The following NTNG1 variants were observed in gnomAD, a reference collection of about 807,000 sequenced individuals.
NTNG1 encodes netrin-G1.
A neutral mutation model predicts 54.0 loss-of-function variants in NTNG1; 16 were observed. The ratio of observed to expected loss-of-function variants is 0.30; its 90% CI spans 0.20 to 0.45. The LOEUF is 0.45. NTNG1 is among the 20% of genes least tolerant of loss of function. The pLI is 1.00. For missense variants in NTNG1, 530 were observed against 678.7 expected, an observed-to-expected ratio of 0.78 and a Z score of 2.43; for synonymous variants, 255 against 263.1, an observed-to-expected ratio of 0.97 and a Z score of 0.30.
intron 4 of NTNG1, among the ~76,000 whole-genome samples, chr1:107,398,343 A>G (rs1282689525): frequency 2.0e-5 from 3 of 152,194 alleles, no homozygotes; most frequent in African/African-American, 7.2e-5. Flanking sequence ...TAACAGAACA[A>G]CTGGGAGGTC....
At position 107,190,442 on chromosome 1, in the gene NTNG1, T is replaced by C. The variant is rs527823620; in HGVS notation, c.246+41603T>C. On this transcript the variant is annotated intron_variant, in intron 2 of 7. Transcript: ENST00000370068. ...ATTTTTTTAAAAATTTTATTATTAT[T>C]ATACTTTAAGTTTTAGGGTACATGT... Among the ~76,000 whole-genome samples, 3 of 152,276 alleles carry C rather than the reference T, an allele frequency of 2.0e-5. No individual in the cohort carries two copies. In the South Asian group the frequency reaches 6.2e-4, roughly 32 times the overall value.
intron 2 of NTNG1, among the ~76,000 whole-genome samples, chr1:107,166,512 G>A (rs1297909476): frequency 6.6e-6 from 1 of 151,940 alleles, no homozygotes; most frequent in Non-Finnish European, 1.5e-5. Context: ...GGAGGAAAGT[G>A]GTATACAAAA....
At chr1:107,222,755 C>G (rs1660424135) in intron 2 of NTNG1, among the ~76,000 whole-genome samples, 1 of 144,314 alleles carries the variant, frequency 6.9e-6, no homozygotes. Flanking sequence ...AGTGGGCAGT[C>G]TTTAACTCAG....
chr1:107,168,962 A>G (rs184317401), intron 2 of NTNG1, among the ~76,000 whole-genome samples: 2 of 152,250 alleles, frequency 1.3e-5, no homozygotes, highest in East Asian at 3.9e-4. Flanking sequence ...TTTCTATTCA[A>G]TCTGTACCCA....
chr1:107,200,972 T>C (rs539094703), intron 2 of NTNG1, among the ~76,000 whole-genome samples: 96 of 152,022 alleles, frequency 6.3e-4, no homozygotes, highest in Non-Finnish European at 1.1e-3. Flanking sequence ...ACATTTACTG[T>C]GTTTGTTTCT....
intron 2 of NTNG1, among the ~76,000 whole-genome samples, chr1:107,312,718 G>T (rs1047546491): frequency 3.3e-5 from 5 of 152,082 alleles, no homozygotes; most frequent in Admixed American, 1.3e-4. Context: ...GGTGGGGACT[G>T]GACTTACCAG....
At chr1:107,280,380 G>T (rs1188835713) in intron 2 of NTNG1, among the ~76,000 whole-genome samples, 2 of 151,438 alleles carry the variant, frequency 1.3e-5, no homozygotes, top group Non-Finnish European at 1.5e-5. Context: ...GTGTGTATGT[G>T]TGTTTGCATG....
intron 2 of NTNG1, among the ~76,000 whole-genome samples, chr1:107,269,486 GTTGGCTATTA>G (rs1259750510): frequency 6.6e-6 from 1 of 152,118 alleles, no homozygotes; most frequent in Non-Finnish European, 1.5e-5. Flanking sequence ...TTGTTTGTTT[GTTGGCTATTA>G]TTATCCACAT....
intron 2 of NTNG1, among the ~76,000 whole-genome samples, chr1:107,261,708 T>C (rs1663348253): frequency 6.6e-6 from 1 of 152,060 alleles, no homozygotes; most frequent in South Asian, 2.1e-4. Flanking sequence ...CCGGGCGTGG[T>C]GGCGGGTGCC....
Position 107,148,439 on chromosome 1 carries a change from C to T in NTNG1, c.-155C>T, listed in dbSNP as rs1433433634. ...TCTTCATATTTGGTTTTGGGATCTG[C>T]TTTGAGGTCCCATCTTCATTTAAAA... On this transcript the variant is annotated 5_prime_UTR_variant, in exon 2 of 8. Transcript: ENST00000370068. The T allele has an allele frequency of 3.0e-6, 2 of 670,712 alleles. No homozygotes were observed. The highest frequency in any genetic ancestry group is 5.1e-6 in the Non-Finnish European group (2 of 392,734). The allele number at this position is 670,712 out of a possible 1,614,324, so 41.5% of individuals were successfully genotyped here. A position where few individuals can be genotyped will look rare whatever the true frequency, so the allele number is the denominator to read the frequency against.
intron 5 of NTNG1, among the ~76,000 whole-genome samples, chr1:107,417,539 C>G (rs6681700): frequency 0.44 from 66,259 of 151,838 alleles, 14,711 homozygotes; most frequent in Middle Eastern, 0.51. Context: ...AATCCAATTA[C>G]AGAGATGAGA....
chr1:107,307,070 G>C (rs536542007), intron 2 of NTNG1, among the ~76,000 whole-genome samples: 1 of 152,184 alleles, frequency 6.6e-6, no homozygotes, highest in Non-Finnish European at 1.5e-5. Flanking sequence ...TAATTTGTCC[G>C]TAGCTGCTAC....
chr1:107,289,346 T>G (rs1192276633), intron 2 of NTNG1, among the ~76,000 whole-genome samples: 5 of 152,140 alleles, frequency 3.3e-5, no homozygotes, highest in Non-Finnish European at 7.4e-5. Context: ...AGCTCAAATC[T>G]CAACCAAATA....
chr1:107,267,005 T>C (rs1284755968), intron 2 of NTNG1, among the ~76,000 whole-genome samples: 1 of 152,192 alleles, frequency 6.6e-6, no homozygotes, highest in African/African-American at 2.4e-5. Flanking sequence ...GATTGCATCT[T>C]GGAAACTACA....
At chr1:107,322,314 AC>A (rs1667705013) in intron 2 of NTNG1, among the ~76,000 whole-genome samples, 1 of 151,902 alleles carries the variant, frequency 6.6e-6, no homozygotes, top group Admixed American at 6.6e-5. Flanking sequence ...TTGTTTCCAT[AC>A]CCCTGACCTC....
At chr1:107,416,756 C>T (rs1674231427) in intron 5 of NTNG1, among the ~76,000 whole-genome samples, 3 of 151,966 alleles carry the variant, frequency 2.0e-5, no homozygotes, top group Non-Finnish European at 4.4e-5. Flanking sequence ...ATAAATCATA[C>T]CAGTACTTGC....
At chr1:107,418,933 G>A (rs1674396856) in intron 5 of NTNG1, among the ~76,000 whole-genome samples, 1 of 151,962 alleles carries the variant, frequency 6.6e-6, no homozygotes, top group South Asian at 2.1e-4. Flanking sequence ...CAGTGTGGAG[G>A]ACAAACAAGA....
At chr1:107,464,183 G>A (rs1265643666) in intron 7 of NTNG1, among the ~76,000 whole-genome samples, 3 of 151,980 alleles carry the variant, frequency 2.0e-5, no homozygotes, top group South Asian at 2.1e-4. Flanking sequence ...TTCTTTCTTC[G>A]CAATCTGTGA....
chr1:107,341,384 A>T (rs962836950), intron 3 of NTNG1, among the ~76,000 whole-genome samples: 1 of 152,008 alleles, frequency 6.6e-6, no homozygotes, highest in Non-Finnish European at 1.5e-5. Context: ...TAAATTTATC[A>T]TTACCATATT....
Sources: allele counts gnomAD v4.1 joint callset (sites outside exome capture counted in the v4.1 genomes callset), GRCh38; gene constraint gnomAD v4.1.1; transcripts MANE v1.5; gene names NCBI Gene and HGNC (gene_info 2026-07-23, HGNC 2026-07-21).